The following ZEB2 variants were observed in gnomAD, a reference collection of about 807,000 sequenced individuals.
ZEB2 encodes the protein zinc finger E-box binding homeobox 2.
Under a neutral mutation model 99.9 loss-of-function variants are expected in ZEB2, and 6 were observed. That is an observed-to-expected ratio of 0.06 (90% CI 0.03 to 0.12). The LOEUF (loss-of-function observed/expected upper bound fraction) is 0.12, where lower values mean the gene tolerates loss of function less well. Ranked by LOEUF, ZEB2 falls within the 10% of genes least tolerant of loss-of-function variation. ZEB2 has a pLI of 1.00. For synonymous variants in ZEB2, 517 were observed against 542.5 expected, an observed-to-expected ratio of 0.95 and a Z score of 0.65; for missense variants, 969 against 1,502.8, an observed-to-expected ratio of 0.64 and a Z score of 5.87.
chr2:144,518,758 T>A (rs1705213313), intron 1 of ZEB2: 1 of 152,158 alleles, frequency 6.6e-6, no homozygotes, highest in South Asian at 2.1e-4. Context: ...TTAGGGGAAA[T>A]CCTGAAATAA....
intron 2 of ZEB2, among the ~76,000 whole-genome samples, chr2:144,486,837 C>G (rs749034501): frequency 2.6e-5 from 4 of 152,098 alleles, no homozygotes; most frequent in African/African-American, 4.8e-5. Flanking sequence ...AAACAAAAAC[C>G]TAAGAATTTT....
intron 2 of ZEB2, among the ~76,000 whole-genome samples, chr2:144,483,490 A>T (rs1378913031): frequency 6.6e-6 from 1 of 152,260 alleles, no homozygotes; most frequent in Non-Finnish European, 1.5e-5. Context: ...CAAAAATATA[A>T]CTTTTAAAAT....
chr2:144,427,005 T>C (rs1030326399), intron 3 of ZEB2: 1 of 152,196 alleles, frequency 6.6e-6, no homozygotes, highest in Admixed American at 6.6e-5. Flanking sequence ...GCCTTATGTC[T>C]AACCTTAAAC....
Position 144,403,967 on chromosome 2 carries a change from G to A in ZEB2, c.756C>T (p.Tyr252=), listed in dbSNP as rs1553962059. Reference sequence around the variant, plus strand: ...CCATATGCCGCTCGAGCTGGGTGCGGTAGGCAAACGTGTAGCTACAGAGAG... The same window carrying A: ...CCATATGCCGCTCGAGCTGGGTGCGATAGGCAAACGTGTAGCTACAGAGAG... ...SCPLCSYTFA[Y]RTQLERHMVT... The change falls in exon 6 of 10, where the codon TAC becomes TAT. Residue 252 remains tyrosine (Y), a synonymous_variant. Transcript: ENST00000627532. 6 of 1,614,146 alleles carry A rather than the reference G, an allele frequency of 3.7e-6. No individual in the cohort carries two copies. Among genetic ancestry groups the A allele is most frequent in the Non-Finnish European group, 5.1e-6 (6 of 1,180,018 alleles).
chr2:144,456,273 T>TGTA (rs1704120776), intron 2 of ZEB2, among the ~76,000 whole-genome samples: 1 of 152,214 alleles, frequency 6.6e-6, no homozygotes, highest in Admixed American at 6.5e-5. Context: ...TCCTTTCTCT[T>TGTA]GTAGTAGTGT....
At chr2:144,468,494 T>TAGAC (rs1165845491) in intron 2 of ZEB2, among the ~76,000 whole-genome samples, 2 of 152,194 alleles carry the variant, frequency 1.3e-5, no homozygotes, top group African/African-American at 4.8e-5. Context: ...GGTCTCATGA[T>TAGAC]AGACAACTCA....
At chr2:144,513,630 C>T in intron 2 of ZEB2, 3 of 1,532,816 alleles carry the variant, frequency 2.0e-6, no homozygotes. Flanking sequence ...GGAGGCAGAC[C>T]CTCTTCCCGG....
chr2:144,504,095 CAACAAAAA>C (rs1704917856), intron 2 of ZEB2: 3 of 47,580 alleles, frequency 6.3e-5, no homozygotes, highest in South Asian at 6.0e-4. Context: ...AAAAAAAAAA[CAACAAAAA>C]AAACAAACCA....
At chr2:144,482,730 CTCTTTA>C (rs1440379485) in intron 2 of ZEB2, among the ~76,000 whole-genome samples, 1 of 148,664 alleles carries the variant, frequency 6.7e-6, no homozygotes, top group African/African-American at 2.5e-5. Context: ...CTGTTTATTT[CTCTTTA>C]TATTTCTGAT....
chr2:144,430,054 C>A, intron 2 of ZEB2, 28 bp from the exon 3 acceptor site: 1 of 1,609,724 alleles, frequency 6.2e-7, no homozygotes, highest in Non-Finnish European at 8.5e-7. Context: ...AACACACTCT[C>A]TAAACACTCT....
chr2:144,408,841 C>G (rs981705665), intron 4 of ZEB2, among the ~76,000 whole-genome samples: 1 of 152,170 alleles, frequency 6.6e-6, no homozygotes, highest in African/African-American at 2.4e-5. Context: ...TCCAGGCCAA[C>G]TTGTTGATTG....
chr2:144,475,986 G>C lies in ZEB2; in HGVS notation c.73+41292C>G, dbSNP rs556788898. Among the ~76,000 whole-genome samples the C allele has an allele frequency of 3.7e-4, 56 of 152,280 alleles. 1 individual carries two copies. The East Asian group carries it at 8.5e-3, about 23-fold the overall frequency. ...CAAAGATGATCATGTCCAAGGATCTGTAAAAACCTACTTCCTTCTGACATA... is the reference window on the plus strand; with the variant it reads ...CAAAGATGATCATGTCCAAGGATCTCTAAAAACCTACTTCCTTCTGACATA... On this transcript the variant is annotated intron_variant, in intron 2 of 9. Coordinates refer to ENST00000627532, the MANE Select transcript of ZEB2 (RefSeq NM_014795.4).
At chr2:144,415,892 T>C (rs942774488) in intron 4 of ZEB2, among the ~76,000 whole-genome samples, 1 of 152,232 alleles carries the variant, frequency 6.6e-6, no homozygotes, top group Non-Finnish European at 1.5e-5. Flanking sequence ...TTTTAGGACA[T>C]TGCCTGTATA....
chr2:144,511,300 T>A, intron 2 of ZEB2: 1 of 844,198 alleles, frequency 1.2e-6, no homozygotes, highest in African/African-American at 1.8e-5. Context: ...GATACACGCA[T>A]GGATGGCTTT....
chr2:144,491,393 G>C (rs1573797088), intron 2 of ZEB2, among the ~76,000 whole-genome samples: 2 of 148,042 alleles, frequency 1.4e-5, no homozygotes, highest in African/African-American at 4.9e-5. Context: ...TACTGTTAAT[G>C]AAAAAAGGGG....
At chr2:144,509,738 G>A (rs1705003550) in intron 2 of ZEB2, among the ~76,000 whole-genome samples, 1 of 152,160 alleles carries the variant, frequency 6.6e-6, no homozygotes, top group Non-Finnish European at 1.5e-5. Context: ...AGACAGTCTA[G>A]GAGCAAGATA....
At position 144,504,101 on chromosome 2, in the gene ZEB2, A is replaced by C. The variant is rs1337000568; in HGVS notation, c.73+13177T>G. On this transcript the variant is annotated intron_variant, in intron 2 of 9. Coordinates refer to ENST00000627532, the MANE Select transcript of ZEB2 (RefSeq NM_014795.4). ...TTAGAAAAAAAAAAAAAAACAACAA[A>C]AAAAACAAACCACCTTAATTTCCTC... 29 of 139,866 alleles carry C rather than the reference A, an allele frequency of 2.1e-4. 1 individual carries two copies. The highest frequency in any genetic ancestry group is 4.9e-4 in the Admixed American group (7 of 14,176). 8.7% of individuals were successfully genotyped at this position (139,866 alleles called of 1,614,324 possible).
intron 4 of ZEB2, among the ~76,000 whole-genome samples, chr2:144,416,750 T>C (rs1197079244): frequency 6.6e-6 from 1 of 152,222 alleles, no homozygotes; most frequent in Non-Finnish European, 1.5e-5. Flanking sequence ...CTTTCTCTCT[T>C]GTGCACAGAG....
chr2:144,460,277 A>G (rs1199166147), intron 2 of ZEB2, among the ~76,000 whole-genome samples: 1 of 152,198 alleles, frequency 6.6e-6, no homozygotes, highest in Non-Finnish European at 1.5e-5. Context: ...AAGAGCTTGA[A>G]CATCAACGGC....
Sources: allele counts gnomAD v4.1 joint callset (sites outside exome capture counted in the v4.1 genomes callset), GRCh38; gene constraint gnomAD v4.1.1; transcripts MANE v1.5; gene names NCBI Gene and HGNC (gene_info 2026-07-23, HGNC 2026-07-21).